RBFOX3: variants seen among roughly 807,000 people sequenced by gnomAD.
RBFOX3 encodes RNA binding protein fox-1 homolog 3.
Under a neutral mutation model 48.7 loss-of-function variants are expected in RBFOX3, and 17 were observed. The observed-to-expected ratio is 0.35, with a 90% CI of 0.24 to 0.52. The LOEUF (loss-of-function observed/expected upper bound fraction) is 0.52. Ranked by LOEUF, RBFOX3 falls within the 20% of genes least tolerant of loss-of-function variation. The pLI, the probability that RBFOX3 is intolerant of heterozygous loss-of-function variation, is 0.94. For synonymous variants in RBFOX3, 212 were observed against 209.5 expected (o/e 1.01, Z -0.10); for missense variants, 382 against 497.5 (o/e 0.77, Z 2.21).
chr17:79,617,949 A>G, the RBFOX3 span, among the ~76,000 whole-genome samples: 1 of 152,168 alleles, frequency 6.6e-6, no homozygotes, highest in Non-Finnish European at 1.5e-5. Flanking sequence ...TCACATGTGC[A>G]CCTCCAGGCT....
At chr17:79,487,312 C>T (rs1368946575) in intron 1 of RBFOX3, among the ~76,000 whole-genome samples, 1 of 152,228 alleles carries the variant, frequency 6.6e-6, no homozygotes, top group Admixed American at 6.5e-5. Context: ...AGATGACCTG[C>T]CCTGGCTGGC....
chr17:79,544,878 A>G (rs1284203954), intron 1 of RBFOX3, among the ~76,000 whole-genome samples: 3 of 151,648 alleles, frequency 2.0e-5, no homozygotes, highest in Non-Finnish European at 2.9e-5. Context: ...CCCGCACCCC[A>G]AACTCAAACA....
At chr17:79,123,301 T>C (rs145604109) in intron 4 of RBFOX3, among the ~76,000 whole-genome samples, 165 of 152,328 alleles carry the variant, frequency 1.1e-3, no homozygotes, top group African/African-American at 3.6e-3. Flanking sequence ...TGCATGCCTG[T>C]ATCAAAACAT....
In RBFOX3 at chr17:79,103,169, T is replaced by C; in HGVS notation, c.500A>G (p.Lys167Arg). 1 of 1,550,990 alleles carries C rather than the reference T, an allele frequency of 6.4e-7. No homozygotes were observed. The highest frequency in any genetic ancestry group is 8.7e-7 in the Non-Finnish European group (1 of 1,146,572). The change falls in exon 8 of 15, where the codon AAA becomes AGA. Residue 167 changes from lysine (K) to arginine (R), a missense_variant. Coordinates refer to ENST00000693108, the MANE Select transcript of RBFOX3 (RefSeq NM_001350451.2). This position sits in a 1 kb window ranked among gnomAD's most constrained non-coding sequence, Gnocchi z 6.1. ...GCACACTTATCTGAGCACCTCAATTTTCCGTCCCTCTACGATCGTCCCATT... is the reference window on the plus strand; with the variant it reads ...GCACACTTATCTGAGCACCTCAATTCTCCGTCCCTCTACGATCGTCCCATT... ...KLNGTIVEGRKIEVNNATARV... is the reference protein window; with the variant it reads ...KLNGTIVEGRRIEVNNATARV...
chr17:79,388,339 C>T (rs756760667), intron 2 of RBFOX3, among the ~76,000 whole-genome samples: 10 of 152,136 alleles, frequency 6.6e-5, no homozygotes, highest in Non-Finnish European at 1.0e-4. Flanking sequence ...GGCATGACCA[C>T]GGCTGAACGA....
chr17:79,614,656 A>C (rs1006355608), upstream of RBFOX3, among the ~76,000 whole-genome samples: 12 of 152,360 alleles, frequency 7.9e-5, no homozygotes, highest in African/African-American at 2.9e-4. Flanking sequence ...ATCAGAGGAG[A>C]TACCGCATCC....
At chr17:79,651,009 G>A in the RBFOX3 span, among the ~76,000 whole-genome samples, 140,232 of 152,284 alleles carry the variant, frequency 0.92, 65,642 homozygotes, top group Non-Finnish European at 1. Flanking sequence ...CCCCAGCTCC[G>A]CCAGCGCCAT....
At chr17:79,291,837 C>T (rs1371805103) in intron 3 of RBFOX3, among the ~76,000 whole-genome samples, 1 of 152,212 alleles carries the variant, frequency 6.6e-6, no homozygotes, top group Admixed American at 6.5e-5. Context: ...AGCAAGGGAA[C>T]TACCTTTGCA....
chr17:79,198,348 C>T lies in RBFOX3; in HGVS notation c.-34+37418G>A, dbSNP rs562895037. On this transcript the variant is annotated intron_variant, in intron 4 of 14. Transcript: ENST00000693108. The surrounding 1 kb of genome is among the most constrained non-coding windows in gnomAD (Gnocchi z 8.2). ...GACAGGAAGGAGAGCCTGCACCTGG[C>T]GATGGTGACTCAGGGGATGTCTTTC... Among the ~76,000 whole-genome samples the T allele has an allele frequency of 2.0e-4, 30 of 152,334 alleles. No individual in the cohort carries two copies. The highest frequency in any genetic ancestry group is 3.4e-4 in the African/African-American group (14 of 41,586).
At chr17:79,264,235 C>T (rs947024912) in intron 3 of RBFOX3, among the ~76,000 whole-genome samples, 17 of 151,966 alleles carry the variant, frequency 1.1e-4, no homozygotes, top group African/African-American at 4.1e-4. Flanking sequence ...GCCACCACAC[C>T]TGGCTAATTT....
rs984849909 is a variant in RBFOX3 at position 79,090,726 on chromosome 17, G to A, written c.*157C>T. The A allele has an allele frequency of 1.6e-5, 15 of 932,526 alleles. No homozygotes were observed. In the African/African-American group the frequency reaches 2.2e-4, roughly 14 times the overall value. The allele number at this position is 932,526 out of a possible 1,614,324, so 57.8% of individuals were successfully genotyped here. A position where few individuals can be genotyped will look rare whatever the true frequency, so the allele number is the denominator to read the frequency against. On this transcript the variant is annotated 3_prime_UTR_variant, in exon 15 of 15. Transcript: ENST00000693108. ...TCCCTCGGTGCGGGCGTGTGGCCAG[G>A]ACGCGGGACTTGGACTTGGTTGGAT...
intron 11 of RBFOX3, 79 bp from the exon 12 acceptor site, chr17:79,096,912 C>A: frequency 1.6e-6 from 1 of 611,436 alleles, no homozygotes; most frequent in South Asian, 1.9e-5. Flanking sequence ...CATAGCCCAC[C>A]CGACCCCAGG....
rs955926552 is a variant in RBFOX3 at position 79,556,358 on chromosome 17, C to T, written c.-320+54468G>A. 7.9e-5 allele frequency among the ~76,000 whole-genome samples: 12 copies of T among 152,156 alleles called. No individual in the cohort carries two copies. The East Asian group carries it at 1.9e-3, about 24-fold the overall frequency. On this transcript the variant is annotated intron_variant, in intron 1 of 14. Transcript: ENST00000693108. ...AGGCAAAATAGACAGCAGTTCCATT[C>T]GGTGGCAGGAGGAGGAGTGCCCGTG... is the stretch of plus-strand genomic sequence containing the variant.
intron 1 of RBFOX3, among the ~76,000 whole-genome samples, chr17:79,533,479 T>A (rs1477544688): frequency 6.6e-6 from 1 of 152,270 alleles, no homozygotes; most frequent in Non-Finnish European, 1.5e-5. Flanking sequence ...GCCTCCAGGT[T>A]CTGGCATGAC....
At chr17:79,216,176 GC>G (rs945675447) in intron 4 of RBFOX3, among the ~76,000 whole-genome samples, 6 of 152,334 alleles carry the variant, frequency 3.9e-5, no homozygotes, top group Non-Finnish European at 7.4e-5. Context: ...CACCTCTGTG[GC>G]CCCCCAGCTG....
chr17:79,097,801 A>G, intron 9 of RBFOX3, 56 bp from the exon 10 acceptor site: 1 of 1,515,600 alleles, frequency 6.6e-7, no homozygotes, highest in Admixed American at 2.0e-5. Flanking sequence ...TTTCCCACCA[A>G]AACGTATGCC....
intron 4 of RBFOX3, among the ~76,000 whole-genome samples, chr17:79,181,403 G>C (rs900822719): frequency 1.3e-5 from 2 of 152,202 alleles, no homozygotes; most frequent in Non-Finnish European, 2.9e-5. Context: ...AAAACCGGGA[G>C]GGGCTGGGAA....
intron 4 of RBFOX3, among the ~76,000 whole-genome samples, chr17:79,146,637 G>A (rs2043095059): frequency 1.3e-5 from 2 of 152,216 alleles, no homozygotes; most frequent in South Asian, 4.1e-4. Flanking sequence ...CAGCTGAGGG[G>A]CTGGTCTGTG....
At chr17:79,579,849 T>TG (rs1231483166) in intron 1 of RBFOX3, among the ~76,000 whole-genome samples, 1,341 of 71,258 alleles carry the variant, frequency 0.019, 63 homozygotes, top group African/African-American at 0.074. Flanking sequence ...GGTGCTGTGG[T>TG]GGGGGGGTCA....
Sources: allele counts gnomAD v4.1 joint callset (sites outside exome capture counted in the v4.1 genomes callset), GRCh38; gene constraint gnomAD v4.1.1; non-coding constraint Gnocchi (gnomAD v3.1); transcripts MANE v1.5; gene names NCBI Gene and HGNC (gene_info 2026-07-23, HGNC 2026-07-21).